The following DHRSX variants were observed in gnomAD, a reference collection of about 807,000 sequenced individuals.
DHRSX encodes the protein polyprenol dehydrogenase.
Under a neutral mutation model 34.0 loss-of-function variants are expected in DHRSX, and 31 were observed. The observed-to-expected ratio is 0.91, with a 90% CI of 0.69 to 1.23. DHRSX has a LOEUF of 1.23. Ranked by LOEUF, DHRSX falls within the 50% of genes most tolerant of loss-of-function variation. DHRSX has a pLI of 0.00. For synonymous variants in DHRSX, 201 were observed against 183.8 expected (o/e 1.09, Z -0.76); for missense variants, 414 against 428.1 (o/e 0.97, Z 0.29).
chrX:2,274,426 A>G (rs998622114), intron 4 of DHRSX, among the ~76,000 whole-genome samples: 4 of 148,190 alleles, frequency 2.7e-5, no homozygotes, highest in African/African-American at 1.0e-4. Flanking sequence ...TTTTTATTTC[A>G]TTTTTTTTGA....
chrX:2,283,625 A>C (rs1032809914), intron 4 of DHRSX, among the ~76,000 whole-genome samples: 10 of 151,994 alleles, frequency 6.6e-5, no homozygotes, highest in Non-Finnish European at 1.3e-4. Flanking sequence ...ACTGCACCTC[A>C]GTCTTCTGTT....
chrX:2,486,167 G>A (rs1382508416), intron 1 of DHRSX, among the ~76,000 whole-genome samples: 1 of 151,988 alleles, frequency 6.6e-6, no homozygotes, highest in Admixed American at 6.6e-5. Context: ...CTGCTCCCGG[G>A]GAACACTTTC....
chrX:2,429,132 T>C (rs1261635561), intron 1 of DHRSX, among the ~76,000 whole-genome samples: 2 of 152,180 alleles, frequency 1.3e-5, no homozygotes, highest in African/African-American at 4.8e-5. Context: ...AGATAGAACC[T>C]GTACAATGAC....
At chrX:2,364,388 A>G (rs2042974400) in intron 3 of DHRSX, among the ~76,000 whole-genome samples, 1 of 152,218 alleles carries the variant, frequency 6.6e-6, no homozygotes, top group African/African-American at 2.4e-5. Context: ...CACCACAGAG[A>G]ATCATCCAGC....
chrX:2,244,182 T>C (rs2016224087), intron 5 of DHRSX, among the ~76,000 whole-genome samples: 2 of 152,180 alleles, frequency 1.3e-5, no homozygotes, highest in South Asian at 4.1e-4. Context: ...AGCTCTGTAG[T>C]GTGCTAAGCA....
In DHRSX at chrX:2,254,650, G is replaced by T. The variant is rs373523058; in HGVS notation, c.597-11420C>A. 1.7e-3 allele frequency among the ~76,000 whole-genome samples: 264 copies of T among 151,958 alleles called. 1 individual carries two copies. The highest frequency in any genetic ancestry group is 5.9e-3 in the African/African-American group (244 of 41,504). ...CTGCGAATAAAGAGAGGTTTTTTTTGTTTGTTTGTTTTTTTGAAACAGGGT... is the reference window on the plus strand; with the variant it reads ...CTGCGAATAAAGAGAGGTTTTTTTTTTTTGTTTGTTTTTTTGAAACAGGGT... On this transcript the variant is annotated intron_variant, in intron 5 of 6. Transcript: ENST00000334651.
intron 3 of DHRSX, among the ~76,000 whole-genome samples, chrX:2,363,244 CCTTT>C (rs2042956245): frequency 8.4e-6 from 1 of 119,674 alleles, no homozygotes; most frequent in Admixed American, 8.7e-5. Flanking sequence ...CATTTTATCA[CCTTT>C]CTATGGTATC....
intron 1 of DHRSX, among the ~76,000 whole-genome samples, chrX:2,465,809 C>CAAAAAAAAAAAAAAAA (rs375728172): frequency 3.2e-4 from 27 of 84,684 alleles, no homozygotes; most frequent in African/African-American, 5.4e-4. Flanking sequence ...AACTCCATCG[C>CAAAAAAAAAAAAAAAA]AAAAAAAAAA....
intron 3 of DHRSX, among the ~76,000 whole-genome samples, chrX:2,339,867 C>A (rs1284516527): frequency 6.6e-6 from 1 of 152,000 alleles, no homozygotes. Context: ...GATTTATAAT[C>A]CTTTGGGTAT....
intron 3 of DHRSX, among the ~76,000 whole-genome samples, chrX:2,294,832 G>A (rs1201892231): frequency 1.3e-5 from 2 of 151,570 alleles, no homozygotes; most frequent in South Asian, 2.1e-4. Flanking sequence ...GAGAGAGAGG[G>A]AGAAAGACAA....
At chrX:2,296,721 C>G (rs372588645) in intron 3 of DHRSX, among the ~76,000 whole-genome samples, 7 of 8,362 alleles carry the variant, frequency 8.4e-4, no homozygotes, top group African/African-American at 1.8e-3. Flanking sequence ...AGATAGACCC[C>G]AGGCAGACAG....
At chrX:2,388,489 G>GCA (rs1323617903) in intron 3 of DHRSX, among the ~76,000 whole-genome samples, 2 of 152,058 alleles carry the variant, frequency 1.3e-5, no homozygotes, top group African/African-American at 4.8e-5. Context: ...GGAGAAGACG[G>GCA]TGACTCCAAG....
chrX:2,454,622 T>C (rs1227004311), intron 1 of DHRSX, among the ~76,000 whole-genome samples: 4 of 152,062 alleles, frequency 2.6e-5, no homozygotes, highest in Admixed American at 2.6e-4. Flanking sequence ...TTCCCAATTC[T>C]ATTAACCAAT....
rs182017868 is a variant in DHRSX at position 2,425,534 on chromosome X, C to A, written c.110-230G>T. Among the ~76,000 whole-genome samples the A allele has an allele frequency of 8.8e-3, 1,339 of 152,248 alleles. 14 individuals are homozygous for A. The highest frequency in any genetic ancestry group is 0.013 in the Non-Finnish European group (856 of 68,030). On this transcript the variant is annotated intron_variant, in intron 1 of 6. Coordinates refer to ENST00000334651, the MANE Select transcript of DHRSX (RefSeq NM_145177.3). ...AACCACCTGATAAATCCCCTGTCAT[C>A]CCCTGTGAGTCCCTGGCAGGCTCTG...
chrX:2,425,481 C>T (rs774297518), intron 1 of DHRSX, among the ~76,000 whole-genome samples, 177 bp from the exon 2 acceptor site: 6 of 152,216 alleles, frequency 3.9e-5, no homozygotes, highest in Admixed American at 2.6e-4. Context: ...AAAGTGGATT[C>T]GCCCCCAGTA....
intron 1 of DHRSX, among the ~76,000 whole-genome samples, chrX:2,442,896 A>G (rs1378898539): frequency 6.6e-6 from 1 of 152,174 alleles, no homozygotes; most frequent in African/African-American, 2.4e-5. Context: ...CCCTCAATGC[A>G]CCATCTGTCA....
intron 3 of DHRSX, among the ~76,000 whole-genome samples, chrX:2,309,360 G>T (rs1293910778): frequency 1.3e-5 from 2 of 152,082 alleles, no homozygotes; most frequent in Non-Finnish European, 2.9e-5. Context: ...GAAGAAATTT[G>T]CTAGGAGGGC....
intron 3 of DHRSX, among the ~76,000 whole-genome samples, chrX:2,396,665 C>G (rs910666607): frequency 2.0e-5 from 3 of 151,848 alleles, no homozygotes; most frequent in Admixed American, 2.0e-4. Flanking sequence ...TCTGAAGACT[C>G]TAGGGGGCAT....
At chrX:2,239,259 G>C (rs2016084805) in intron 6 of DHRSX, among the ~76,000 whole-genome samples, 1 of 152,048 alleles carries the variant, frequency 6.6e-6, no homozygotes, top group Admixed American at 6.6e-5. Flanking sequence ...GGCCAGCCAT[G>C]GTGGCTCATG....
Sources: allele counts gnomAD v4.1 joint callset (sites outside exome capture counted in the v4.1 genomes callset), GRCh38; gene constraint gnomAD v4.1.1; transcripts MANE v1.5; gene names NCBI Gene and HGNC (gene_info 2026-07-23, HGNC 2026-07-21).